Variants in GREB1 observed in about 807,000 individuals in gnomAD.
The protein encoded by GREB1 is growth regulating estrogen receptor binding 1.
A neutral mutation model predicts 200.7 loss-of-function variants in GREB1; 106 were observed. The observed-to-expected ratio is 0.53, with a 90% CI of 0.45 to 0.62. The LOEUF is 0.62. Among genes scored for constraint, GREB1 ranks in the 20% least tolerant of loss-of-function variants. GREB1 has a pLI of 0.00. For synonymous variants in GREB1, 1,132 were observed against 1,092.4 expected (o/e 1.04, Z -0.72); for missense variants, 2,243 against 2,556.8 (o/e 0.88, Z 2.65).
At chr2:11,590,046 C>T (rs181773873) in intron 10 of GREB1, among the ~76,000 whole-genome samples, 36 of 152,078 alleles carry the variant, frequency 2.4e-4, no homozygotes, top group African/African-American at 6.8e-4. Context: ...CGGGTGGCTA[C>T]GAGGAGAGGA....
In GREB1 at chr2:11,625,151, T is replaced by C. The variant is rs1684338714; in HGVS notation, c.4148-3T>C. 1.2e-6 allele frequency: 2 copies of C among 1,611,300 alleles called. No individual in the cohort carries two copies. Among genetic ancestry groups the C allele is most frequent in the Non-Finnish European group, 1.7e-6 (2 of 1,177,576 alleles). On this transcript the variant is annotated splice_region_variant and splice_polypyrimidine_tract_variant and intron_variant, in intron 23 of 32. Transcript: ENST00000381486. ...CACATCTATGTTTCTACCAATCTTG[T>C]AGACCTCAGAGAAGAATCTGACTGG...
intron 1 of GREB1, among the ~76,000 whole-genome samples, chr2:11,520,784 G>T (rs1316301463): frequency 6.6e-6 from 1 of 152,174 alleles, no homozygotes; most frequent in African/African-American, 2.4e-5. Flanking sequence ...TCTGCAAAGT[G>T]CCATTTCCCA....
In GREB1 at chr2:11,633,888, A is replaced by G. The variant is rs1685091576; in HGVS notation, c.4992-243A>G. Among the ~76,000 whole-genome samples the G allele has an allele frequency of 6.6e-6, 1 of 152,170 alleles. No homozygotes were observed. Among genetic ancestry groups the G allele is most frequent in the Non-Finnish European group, 1.5e-5 (1 of 68,038 alleles). ...GTTTCCTTGTCTGCGATTAATACCTATGCCATGGAGTTGTTGTGAGAATTG... is the reference window on the plus strand; with the variant it reads ...GTTTCCTTGTCTGCGATTAATACCTGTGCCATGGAGTTGTTGTGAGAATTG... On this transcript the variant is annotated intron_variant, in intron 28 of 32. Transcript: ENST00000381486. The surrounding 1 kb of genome is among the most constrained non-coding windows in gnomAD (Gnocchi z 4.1).
intron 1 of GREB1, among the ~76,000 whole-genome samples, chr2:11,551,702 A>G (rs1675854459): frequency 6.6e-6 from 1 of 151,752 alleles, no homozygotes; most frequent in South Asian, 2.1e-4. Context: ...AAGACATCCT[A>G]CTCAGTGGTC....
At position 11,505,955 on chromosome 2, in the gene GREB1, C is replaced by T. The variant is rs574268250; in HGVS notation, c.-159+23574C>T. ...AATCAGGAAAAAGGATAATGTTTAACATCGGCGAACTCTCAGTTGTGATGC... is the reference window on the plus strand; with the variant it reads ...AATCAGGAAAAAGGATAATGTTTAATATCGGCGAACTCTCAGTTGTGATGC... On this transcript the variant is annotated intron_variant, in intron 1 of 2. Coordinates refer to the GREB1 transcript ENST00000628795. Among the ~76,000 whole-genome samples the T allele has an allele frequency of 1.9e-4, 29 of 152,328 alleles. No homozygotes were observed. The South Asian group carries it at 6.0e-3, about 32-fold the overall frequency.
rs1434563535 is a variant in GREB1 at position 11,635,283 on chromosome 2, G to A, written c.5224G>A (p.Asp1742Asn). The A allele has an allele frequency of 6.8e-6, 11 of 1,614,012 alleles. No homozygotes were observed. Among genetic ancestry groups the A allele is most frequent in the Non-Finnish European group, 8.5e-6 (10 of 1,180,012 alleles). The change falls in exon 30 of 33, where the codon GAT becomes AAT. Residue 1742 changes from aspartate (D) to asparagine (N), a missense_variant. This residue lies in a region of GREB1 where 478 missense variants were observed against 616.3 expected (regional missense o/e 0.78). Transcript: ENST00000381486. ...GGCCCTGAGTAGGTTCCTGTGTGACGATGTAGACTTCAACCTGCGGGTGCA... is the reference window on the plus strand; with the variant it reads ...GGCCCTGAGTAGGTTCCTGTGTGACAATGTAGACTTCAACCTGCGGGTGCA... Reference protein sequence around the residue: ...QYNQNRFLCDDVDFNLRVHSA... With the variant: ...QYNQNRFLCDNVDFNLRVHSA...
At chr2:11,576,013 AG>A in intron 4 of GREB1, among the ~76,000 whole-genome samples, 2 of 152,292 alleles carry the variant, frequency 1.3e-5, no homozygotes, top group Middle Eastern at 6.8e-3. Flanking sequence ...CTAGTCTAAG[AG>A]GGTGGGGTGC....
rs1370784875 is a variant in GREB1, at chr2:11,626,588, C to CA, written c.4307-368dup. Among the ~76,000 whole-genome samples the CA allele has an allele frequency of 2.0e-5, 3 of 151,982 alleles. No homozygotes were observed. In the East Asian group the frequency reaches 5.8e-4, roughly 29 times the overall value. On this transcript the variant is annotated intron_variant, in intron 24 of 32. Coordinates refer to ENST00000381486, the MANE Select transcript of GREB1 (RefSeq NM_014668.4). ...GAGCGACAGAGCAAGACCTTGTCTC[C>CA]AAAAAACAAACAAAAACAGAAAAAC...
At chr2:11,634,053 T>C (rs1685108711) in intron 28 of GREB1, 78 bp from the exon 29 acceptor site, 1 of 1,342,646 alleles carries the variant, frequency 7.4e-7, no homozygotes, top group South Asian at 1.2e-5. Context: ...TGAGAGCCGG[T>C]GCCACACTGC....
intron 1 of GREB1, among the ~76,000 whole-genome samples, chr2:11,525,718 G>T (rs1673850462): frequency 6.6e-6 from 1 of 152,132 alleles, no homozygotes; most frequent in East Asian, 1.9e-4. Flanking sequence ...CCCAGAGACA[G>T]ACCAGCCTGG....
intron 7 of GREB1, among the ~76,000 whole-genome samples, chr2:11,583,820 C>G (rs1279538477): frequency 6.6e-6 from 1 of 151,778 alleles, no homozygotes. Context: ...GGCCGCGCCA[C>G]TGCACTCCAG....
At chr2:11,491,300 C>T (rs976844960) in intron 1 of GREB1, among the ~76,000 whole-genome samples, 2 of 152,190 alleles carry the variant, frequency 1.3e-5, no homozygotes, top group Admixed American at 6.5e-5. Flanking sequence ...AAAATGATAT[C>T]TGCATATTAG....
chr2:11,560,958 A>G (rs75572704), intron 2 of GREB1, among the ~76,000 whole-genome samples: 8,677 of 152,228 alleles, frequency 0.057, 731 homozygotes, highest in African/African-American at 0.19. Context: ...ACCCAGAGCC[A>G]CTGGGCTGCC....
At chr2:11,603,280 A>G (rs1553372306) in intron 17 of GREB1, among the ~76,000 whole-genome samples, 2 of 152,210 alleles carry the variant, frequency 1.3e-5, no homozygotes, top group Non-Finnish European at 2.9e-5. Flanking sequence ...CCACTGAACA[A>G]AATACCACTG....
Position 11,639,058 on chromosome 2 carries a change from G to A in GREB1, c.5686+249G>A, listed in dbSNP as rs200974750. On this transcript the variant is annotated intron_variant, in intron 32 of 32. Coordinates refer to ENST00000381486, the MANE Select transcript of GREB1 (RefSeq NM_014668.4). ...TCCCCCTTTCTTTTAGATGAATTGCGGACATTTTTTAGCCTTTGTGTTTCT... is the reference window on the plus strand; with the variant it reads ...TCCCCCTTTCTTTTAGATGAATTGCAGACATTTTTTAGCCTTTGTGTTTCT... Among the ~76,000 whole-genome samples the A allele has an allele frequency of 3.3e-5, 5 of 152,184 alleles. No individual in the cohort carries two copies. The East Asian group carries it at 9.6e-4, about 29-fold the overall frequency.
chr2:11,605,118 CTG>C, intron 17 of GREB1, among the ~76,000 whole-genome samples: 1 of 117,238 alleles, frequency 8.5e-6, no homozygotes, highest in African/African-American at 3.0e-5. Context: ...GGGGTACTGT[CTG>C]GAGCTGGGCA....
At chr2:11,594,990 G>A (rs963885055) in intron 11 of GREB1, among the ~76,000 whole-genome samples, 10 of 132,656 alleles carry the variant, frequency 7.5e-5, no homozygotes, top group Non-Finnish European at 1.3e-4. Flanking sequence ...CACTGTGCCT[G>A]GCCTTTTTTT....
chr2:11,484,991 C>A (rs369068242), intron 1 of GREB1, among the ~76,000 whole-genome samples: 32 of 152,264 alleles, frequency 2.1e-4, no homozygotes, highest in African/African-American at 6.0e-4. Flanking sequence ...AGGCGCCCGC[C>A]ACGGCGCCCG....
At chr2:11,638,834 C>T (rs1222582173) in intron 32 of GREB1, 25 bp downstream of exon 32, 3 of 1,610,510 alleles carry the variant, frequency 1.9e-6, no homozygotes, top group Non-Finnish European at 2.5e-6. Flanking sequence ...CTTAACTCTG[C>T]ACCTTGTCTT....
Sources: gnomAD v4.1 joint callset for allele counts (sites outside exome capture counted in the v4.1 genomes callset) on GRCh38, gnomAD v4.1.1 for gene constraint, gnomAD v4.1.1 regional missense constraint, Gnocchi (gnomAD v3.1) non-coding constraint, MANE v1.5 for transcripts, NCBI Gene and HGNC (gene_info 2026-07-23, HGNC 2026-07-21) for gene names.